Variants in CUX1 observed in about 807,000 individuals in gnomAD.
CUX1 encodes the protein protein CASP.
In CUX1, 31 loss-of-function variants were observed where a neutral mutation model predicts 158.8. The observed-to-expected ratio is 0.20, with a 90% CI of 0.15 to 0.26. The LOEUF is 0.26. CUX1 is among the 10% of genes least tolerant of loss of function. The pLI is 1.00. For missense variants in CUX1, 1,589 were observed against 2,014.6 expected, an observed-to-expected ratio of 0.79 and a Z score of 4.04; for synonymous variants, 879 against 862.1, an observed-to-expected ratio of 1.02 and a Z score of -0.34.
At position 101,821,169 on chromosome 7, in the gene CUX1, A is replaced by G. The variant is rs780580794; in HGVS notation, c.30+3500A>G. Among the ~76,000 whole-genome samples, 59 of 152,276 alleles carry G rather than the reference A, an allele frequency of 3.9e-4. No individual in the cohort carries two copies. In the Middle Eastern group the frequency reaches 0.024, roughly 61 times the overall value. ...GAATTCATTTGTGATTTCTGACTTG[A>G]TGAACCTTGACTGACCAGAGCATGT... On this transcript the variant is annotated intron_variant, in intron 1 of 23. Coordinates refer to ENST00000292535, the MANE Select transcript of CUX1 (RefSeq NM_181552.4).
Position 102,028,080 on chromosome 7 carries a change from C to A in CUX1, c.142-18C>A. On this transcript the variant is annotated intron_variant, in intron 2 of 23. Coordinates refer to ENST00000292535, the MANE Select transcript of CUX1 (RefSeq NM_181552.4). ...CCTTCTCAAATGGCTGCTTCCTGACCTCCGCCTCCTGCTCCAGGATTTGCG... is the reference window on the plus strand; with the variant it reads ...CCTTCTCAAATGGCTGCTTCCTGACATCCGCCTCCTGCTCCAGGATTTGCG... 6.2e-7 allele frequency: 1 copy of A among 1,612,092 alleles called. No homozygotes were observed. Among genetic ancestry groups the A allele is most frequent in the Non-Finnish European group, 8.5e-7 (1 of 1,179,940 alleles).
Position 102,202,080 on chromosome 7 carries a change from C to T in CUX1, c.2783C>T (p.Pro928Leu), listed in dbSNP as rs1393344454. 6.2e-7 allele frequency: 1 copy of T among 1,614,008 alleles called. No homozygotes were observed. Among genetic ancestry groups the T allele is most frequent in the African/African-American group, 1.3e-5 (1 of 74,894 alleles). Residue 928 changes from proline to leucine, a missense_variant, in exon 18 of 24, where the codon CCC (proline) becomes CTC (leucine). Pro to Leu is a moderately conservative substitution (Grantham distance 98). Around this residue, in one of 8 missense-constraint regions of CUX1, gnomAD observed 337 missense variants for 409.3 expected, o/e 0.82. Coordinates refer to ENST00000292535, the MANE Select transcript of CUX1 (RefSeq NM_181552.4). Reference protein sequence around the residue: ...PMSKPTKPSVPPLTPEQYEVY... With the variant: ...PMSKPTKPSVLPLTPEQYEVY... Reference sequence around the variant, plus strand: ...TCCAAGCCCACCAAGCCCTCGGTCCCCCCGCTGACCCCCGAGCAGTACGAG... The same window carrying T: ...TCCAAGCCCACCAAGCCCTCGGTCCTCCCGCTGACCCCCGAGCAGTACGAG...
At chr7:102,061,493 G>A (rs186724172) in intron 3 of CUX1, among the ~76,000 whole-genome samples, 159 of 152,304 alleles carry the variant, frequency 1.0e-3, no homozygotes, top group African/African-American at 3.7e-3. Context: ...GGGCTGCCAC[G>A]GCTTTGATCT....
At chr7:102,096,595 A>C (rs868988661) in intron 4 of CUX1, among the ~76,000 whole-genome samples, 4 of 152,132 alleles carry the variant, frequency 2.6e-5, no homozygotes, top group Non-Finnish European at 5.9e-5. Context: ...AGTCCCAGCT[A>C]CTTGGGAGGC....
Position 102,196,902 on chromosome 7 carries a change from G to A in CUX1, c.1491G>A (p.Met497Ile). 6.2e-7 allele frequency: 1 copy of A among 1,614,158 alleles called. No individual in the cohort carries two copies. The highest frequency in any genetic ancestry group is 1.1e-5 in the South Asian group (1 of 91,090). ...QLMQSFYSKA[M>I]QEAGSTSMIF... is the part of the protein sequence containing the mutation. The stretch of plus-strand genomic sequence containing the variant: ...TGCAGTCCTTCTACTCCAAGGCTAT[G>A]CAGGAAGCCGGAAGCACAAGCATGA... The change falls in exon 15 of 24, where the codon ATG (methionine) becomes ATA (isoleucine). Residue 497 changes from methionine to isoleucine, a missense_variant. This residue lies in a region of CUX1 where 515 missense variants were observed against 574.4 expected (regional missense o/e 0.90). Coordinates refer to ENST00000292535, the MANE Select transcript of CUX1 (RefSeq NM_181552.4).
In CUX1 at chr7:101,829,445, G is replaced by A. The variant is rs1020581338; in HGVS notation, c.30+11776G>A. ...TTTATTTCATGTTACTTGCATGACAGCCCTATGGAGCTGCGTACCTGCCAT... is the reference window on the plus strand; with the variant it reads ...TTTATTTCATGTTACTTGCATGACAACCCTATGGAGCTGCGTACCTGCCAT... On this transcript the variant is annotated intron_variant, in intron 1 of 23. Transcript: ENST00000292535. Among the ~76,000 whole-genome samples the A allele has an allele frequency of 2.6e-5, 4 of 152,166 alleles. No homozygotes were observed. In the East Asian group the frequency reaches 7.7e-4, roughly 29 times the overall value.
At chr7:102,269,118 TTTTGTTTGTTTGTTTG>T (rs71123029) in intron 14 of CUX1, among the ~76,000 whole-genome samples, 12,469 of 147,962 alleles carry the variant, frequency 0.084, 574 homozygotes, top group Non-Finnish European at 0.089. Flanking sequence ...GTGTGGGTTT[TTTTGTTTGTTTGTTTG>T]TTTGTTTGTT....
At chr7:101,840,290 T>C (rs1379942168) in intron 1 of CUX1, among the ~76,000 whole-genome samples, 7 of 152,210 alleles carry the variant, frequency 4.6e-5, no homozygotes, top group Non-Finnish European at 8.8e-5. Context: ...CTGGCTAGAA[T>C]CTGAAGTACT....
In CUX1 at chr7:102,252,451, CG is replaced by C; in HGVS notation, c.*3411del. 1 of 985,432 alleles carries C rather than the reference CG, an allele frequency of 1.0e-6. No homozygotes were observed. Among genetic ancestry groups the C allele is most frequent in the Non-Finnish European group, 1.2e-6 (1 of 829,936 alleles). 61.0% of individuals were successfully genotyped at this position (985,432 alleles called of 1,614,324 possible). A position where few individuals can be genotyped will look rare whatever the true frequency, so the allele number is the denominator to read the frequency against. On this transcript the variant is annotated 3_prime_UTR_variant, in exon 24 of 24. Coordinates refer to ENST00000292535, the MANE Select transcript of CUX1 (RefSeq NM_181552.4). ...ATTTGTACCTCTCCCCTGGGGGAAA[CG>C]GTTCCATATAAAACACTAACACTTA...
chr7:101,913,940 A>G (rs1803819739), intron 1 of CUX1, among the ~76,000 whole-genome samples: 1 of 151,834 alleles, frequency 6.6e-6, no homozygotes, highest in South Asian at 2.1e-4. Context: ...TTAAATATAG[A>G]TGTCAAAGCC....
chr7:102,022,385 A>C (rs1310867962), intron 2 of CUX1, among the ~76,000 whole-genome samples: 1 of 152,146 alleles, frequency 6.6e-6, no homozygotes, highest in Non-Finnish European at 1.5e-5. Context: ...TGGGAGGCTG[A>C]TGTGGGTGGA....
chr7:101,838,214 A>G (rs1430954485), intron 1 of CUX1, among the ~76,000 whole-genome samples: 1 of 150,310 alleles, frequency 6.7e-6, no homozygotes, highest in Non-Finnish European at 1.5e-5. Flanking sequence ...ACTGCAACCT[A>G]CGCCTCCTGG....
intron 8 of CUX1, chr7:102,153,227 G>A (rs1164079531): frequency 6.6e-6 from 1 of 152,234 alleles, no homozygotes; most frequent in Non-Finnish European, 1.5e-5. Context: ...CCCCACCCAG[G>A]CCCCATAAAC....
intron 11 of CUX1, among the ~76,000 whole-genome samples, chr7:102,186,534 CGT>C (rs1230378515): frequency 6.6e-6 from 1 of 151,640 alleles, no homozygotes; most frequent in Non-Finnish European, 1.5e-5. Flanking sequence ...TAGGTGAATG[CGT>C]TGTTGTGCAA....
At chr7:102,176,288 G>T (rs563795908) in intron 10 of CUX1, among the ~76,000 whole-genome samples, 2 of 152,168 alleles carry the variant, frequency 1.3e-5, no homozygotes, top group Non-Finnish European at 2.9e-5. Flanking sequence ...CACGGTGCAT[G>T]GGATGGCCCA....
chr7:102,166,102 C>T (rs782156396), intron 9 of CUX1, among the ~76,000 whole-genome samples: 2 of 152,160 alleles, frequency 1.3e-5, no homozygotes, highest in Admixed American at 6.5e-5. Context: ...CAGGGACCTT[C>T]GTGACAATGT....
intron 3 of CUX1, among the ~76,000 whole-genome samples, chr7:102,056,886 T>C (rs894781191): frequency 1.6e-5 from 2 of 124,290 alleles, no homozygotes; most frequent in African/African-American, 3.1e-5. Context: ...AGATTTTTTG[T>C]TTTTTGTTTT....
intron 2 of CUX1, among the ~76,000 whole-genome samples, chr7:102,016,376 C>T (rs931095585): frequency 1.3e-5 from 2 of 152,230 alleles, no homozygotes; most frequent in African/African-American, 4.8e-5. Flanking sequence ...CCAGGAGGCA[C>T]AGCAGCCTGT....
chr7:102,180,302 G>A (rs1554513558), intron 11 of CUX1, among the ~76,000 whole-genome samples: 1 of 150,238 alleles, frequency 6.7e-6, no homozygotes, highest in African/African-American at 2.5e-5. Context: ...GATTACAGGC[G>A]TGAGCCACTG....
Sources: allele counts gnomAD v4.1 joint callset (sites outside exome capture counted in the v4.1 genomes callset), GRCh38; gene constraint gnomAD v4.1.1; regional missense constraint gnomAD v4.1.1; transcripts MANE v1.5; gene names NCBI Gene and HGNC (gene_info 2026-07-23, HGNC 2026-07-21).